GSPT1: variants seen among roughly 807,000 people sequenced by gnomAD.
GSPT1 encodes the protein eukaryotic peptide chain release factor GTP-binding subunit ERF3A.
GSPT1 carries 20 observed loss-of-function variants against 72.5 expected under a neutral mutation model. That is an observed-to-expected ratio of 0.28 (90% confidence interval 0.19 to 0.40). The LOEUF is 0.40. Among genes scored for constraint, GSPT1 ranks in the 10% least tolerant of loss-of-function variants. The pLI is 1.00. For missense variants in GSPT1, 580 were observed against 811.9 expected, an observed-to-expected ratio of 0.71 and a Z score of 3.47; for synonymous variants, 334 against 293.5, an observed-to-expected ratio of 1.14 and a Z score of -1.41.
At chr16:11,892,521 AACAAAAAAAAC>A (rs2054277300) in intron 5 of GSPT1, among the ~76,000 whole-genome samples, 1 of 127,686 alleles carries the variant, frequency 7.8e-6, no homozygotes, top group African/African-American at 3.6e-5. Flanking sequence ...AAACAAAAAA[AACAAAAAAAAC>A]AAAAAATAAA....
chr16:11,914,609 C>T (rs187667291), intron 1 of GSPT1, among the ~76,000 whole-genome samples: 17 of 152,300 alleles, frequency 1.1e-4, no homozygotes, highest in African/African-American at 4.1e-4. Flanking sequence ...GATTTTACAG[C>T]AATGAAAATT....
intron 5 of GSPT1, among the ~76,000 whole-genome samples, chr16:11,894,257 G>A (rs1215237847): frequency 6.7e-6 from 1 of 149,880 alleles, no homozygotes; most frequent in African/African-American, 2.5e-5. Context: ...TCAAAGAAAT[G>A]GGTCTAATTT....
chr16:11,893,649 T>C (rs970471429), intron 5 of GSPT1, among the ~76,000 whole-genome samples: 1 of 152,214 alleles, frequency 6.6e-6, no homozygotes, highest in Admixed American at 6.5e-5. Flanking sequence ...TAGACATCTA[T>C]AGTGCAGTGC....
At chr16:11,873,894 A>G (rs1596453220) in intron 14 of GSPT1, among the ~76,000 whole-genome samples, 2 of 152,132 alleles carry the variant, frequency 1.3e-5, no homozygotes, top group Middle Eastern at 3.4e-3. Flanking sequence ...GGGCCAAAAA[A>G]CCTCTTTGGA....
At chr16:11,879,293 G>A (rs1236062409) in intron 11 of GSPT1, among the ~76,000 whole-genome samples, 1 of 151,538 alleles carries the variant, frequency 6.6e-6, no homozygotes, top group African/African-American at 2.4e-5. Context: ...TACTCGGGAG[G>A]CTGAGGCAGA....
At position 11,886,411 on chromosome 16, in the gene GSPT1, A is replaced by G. The variant is rs545433201; in HGVS notation, c.1253+60T>C. ...CATGTTACTCAGCATATGTCTTTAT[A>G]AGTAATTTAAGTAATAACATCCTTT... On this transcript the variant is annotated intron_variant, in intron 9 of 14. Coordinates refer to ENST00000434724, the MANE Select transcript of GSPT1 (RefSeq NM_002094.4). 11 of 1,117,106 alleles carry G rather than the reference A, an allele frequency of 9.8e-6. No homozygotes were observed. The East Asian group carries it at 2.5e-4, about 25-fold the overall frequency. The allele number at this position is 1,117,106 out of a possible 1,614,324, so 69.2% of individuals were successfully genotyped here. A position where few individuals can be genotyped will look rare whatever the true frequency, so the allele number is the denominator to read the frequency against.
intron 1 of GSPT1, among the ~76,000 whole-genome samples, chr16:11,913,013 C>T (rs991308740): frequency 7.9e-5 from 12 of 152,204 alleles, no homozygotes; most frequent in African/African-American, 2.9e-4. Flanking sequence ...GCACAAATTT[C>T]GGCTATGGCT....
Position 11,871,234 on chromosome 16 carries a change from T to G in GSPT1, c.*1885A>C, listed in dbSNP as rs1000752495. ...CAATAACTTTGCTCTGTCCATAAGATGTAGCCTCATTCAAGAAATGAATGG... is the reference window on the plus strand; with the variant it reads ...CAATAACTTTGCTCTGTCCATAAGAGGTAGCCTCATTCAAGAAATGAATGG... On this transcript the variant is annotated 3_prime_UTR_variant, in exon 15 of 15. Transcript: ENST00000434724. 1 of 152,218 alleles carries G rather than the reference T, an allele frequency of 6.6e-6. No individual in the cohort carries two copies. The highest frequency in any genetic ancestry group is 1.5e-5 in the Non-Finnish European group (1 of 68,050). 9.4% of individuals were successfully genotyped at this position (152,218 alleles called of 1,614,324 possible).
chr16:11,873,823 A>C (rs1473251810), intron 14 of GSPT1, among the ~76,000 whole-genome samples: 1 of 152,188 alleles, frequency 6.6e-6, no homozygotes, highest in Admixed American at 6.5e-5. Context: ...TCTTGGCCTC[A>C]GGTGATCCGC....
chr16:11,916,369 G>T (rs1446083604), upstream of GSPT1, among the ~76,000 whole-genome samples: 2 of 152,244 alleles, frequency 1.3e-5, no homozygotes, highest in Non-Finnish European at 2.9e-5. Flanking sequence ...ACTCTGGCCT[G>T]CTGGACACAG....
chr16:11,875,978 A>C (rs763175923), intron 13 of GSPT1, 49 bp from the exon 14 acceptor site: 36 of 1,543,864 alleles, frequency 2.3e-5, no homozygotes, highest in Non-Finnish European at 2.6e-5. Context: ...CAAATAAAAT[A>C]ATCTTTAAGA....
intron 5 of GSPT1, among the ~76,000 whole-genome samples, chr16:11,893,326 A>G (rs560755785): frequency 4.6e-5 from 7 of 152,206 alleles, no homozygotes; most frequent in Middle Eastern, 3.4e-3. Context: ...GGGTCTCACT[A>G]TATTGTCCTG....
rs780495571 is a variant in GSPT1 at position 11,880,567 on chromosome 16, C to T, written c.1428+2448G>A. Among the ~76,000 whole-genome samples the T allele has an allele frequency of 3.9e-5, 6 of 152,310 alleles. No individual in the cohort carries two copies. The South Asian group carries it at 1.2e-3, about 32-fold the overall frequency. On this transcript the variant is annotated intron_variant, in intron 11 of 14. Coordinates refer to ENST00000434724, the MANE Select transcript of GSPT1 (RefSeq NM_002094.4). ...AGCCTGGTCTCAAAACTCAAGTGATCCTCCTGCCTCAGCTTTTCCGAAAGT... is the reference window on the plus strand; with the variant it reads ...AGCCTGGTCTCAAAACTCAAGTGATTCTCCTGCCTCAGCTTTTCCGAAAGT...
At chr16:11,892,121 A>C (rs1373960963) in intron 5 of GSPT1, among the ~76,000 whole-genome samples, 1 of 150,816 alleles carries the variant, frequency 6.6e-6, no homozygotes, top group African/African-American at 2.4e-5. Context: ...AGGTGGGAGG[A>C]TCCCTTGAGG....
intron 14 of GSPT1, among the ~76,000 whole-genome samples, chr16:11,875,378 C>T (rs145073555): frequency 6.0e-4 from 91 of 151,766 alleles, no homozygotes; most frequent in Admixed American, 1.4e-3. Context: ...TGGATGCACA[C>T]AAAAGGTCAC....
chr16:11,875,878 G>A lies in GSPT1; in HGVS notation c.1744C>T (p.Pro582Ser). ...ACTTGATCTTGTTTGACAAAACGGG[G>A]TCGGGTCTTACTTTTTTCTCCTGAT... The part of the protein sequence containing the change: ...KKSGEKSKTR[P>S]RFVKQDQVCI... Residue 582 changes from proline (P) to serine (S), a missense_variant, in exon 14 of 15, where the codon CCC becomes TCC. Around this residue, in one of 6 missense-constraint regions of GSPT1, gnomAD observed 120 missense variants for 242.5 expected, o/e 0.49. Transcript: ENST00000434724. 1 of 1,613,656 alleles carries A rather than the reference G, an allele frequency of 6.2e-7. No homozygotes were observed. The highest frequency in any genetic ancestry group is 8.5e-7 in the Non-Finnish European group (1 of 1,179,772).
At position 11,883,722 on chromosome 16, in the gene GSPT1, G is replaced by A. The variant is rs2054153523; in HGVS notation, c.1348-627C>T. ...AAGATCAGGAAATCGAGCCCATCCT[G>A]GCCAACATGGTGAAACCCCGTCTTT... On this transcript the variant is annotated intron_variant, in intron 10 of 14. Transcript: ENST00000434724. Among the ~76,000 whole-genome samples, 3 of 151,810 alleles carry A rather than the reference G, an allele frequency of 2.0e-5. No individual in the cohort carries two copies. In the South Asian group the frequency reaches 6.3e-4, roughly 32 times the overall value.
At position 11,872,992 on chromosome 16, in the gene GSPT1, TG is replaced by T; in HGVS notation, c.*126del. ...GCTGACATAATGTGGACTTTTGCTG[TG>T]AATTTCCTCTTTGCAAAATATGGGG... On this transcript the variant is annotated 3_prime_UTR_variant, in exon 15 of 15. Coordinates refer to ENST00000434724, the MANE Select transcript of GSPT1 (RefSeq NM_002094.4). 4.8e-6 allele frequency: 3 copies of T among 620,700 alleles called. No individual in the cohort carries two copies. Among genetic ancestry groups the T allele is most frequent in the Non-Finnish European group, 8.9e-6 (3 of 336,006 alleles). 38.4% of individuals were successfully genotyped at this position (620,700 alleles called of 1,614,324 possible). A position where few individuals can be genotyped will look rare whatever the true frequency, so the allele number is the denominator to read the frequency against.
rs746653127 is a variant in GSPT1, at chr16:11,915,443, G to A, written c.278C>T (p.Pro93Leu). 1.8e-5 allele frequency: 28 copies of A among 1,535,216 alleles called. No individual in the cohort carries two copies. Among genetic ancestry groups the A allele is most frequent in the Non-Finnish European group, 2.4e-5 (27 of 1,143,736 alleles). ...AEFVPSFLRG[P>L]AAPPPPVGGA... ...GCCAACTGGGGGTGGCGGCGCTGCC[G>A]GGCCCCGCAGGAAGGACGGCACGAA... is the stretch of plus-strand genomic sequence containing the variant. The change falls in exon 1 of 15, where the codon CCG (proline) becomes CTG (leucine). Residue 93 changes from proline (P) to leucine (L), a missense_variant. Coordinates refer to ENST00000434724, the MANE Select transcript of GSPT1 (RefSeq NM_002094.4).
Sources: gnomAD v4.1 joint callset for allele counts (sites outside exome capture counted in the v4.1 genomes callset) on GRCh38, gnomAD v4.1.1 for gene constraint, gnomAD v4.1.1 regional missense constraint, MANE v1.5 for transcripts, NCBI Gene and HGNC (gene_info 2026-07-23, HGNC 2026-07-21) for gene names.